PRKN: variants seen among roughly 807,000 people sequenced by gnomAD.
The protein encoded by PRKN is E3 ubiquitin-protein ligase parkin.
Under a neutral mutation model 59.5 loss-of-function variants are expected in PRKN, and 56 were observed. That is an observed-to-expected ratio of 0.94 (90% CI 0.76 to 1.18). PRKN has a LOEUF of 1.18. Ranked by LOEUF, PRKN falls within the 50% of genes most tolerant of loss-of-function variation. PRKN has a pLI of 0.00. For synonymous variants in PRKN, 250 were observed against 222.1 expected (o/e 1.13, Z -1.12); for missense variants, 657 against 596.4 (o/e 1.10, Z -1.06).
At chr6:161,929,248 A>G (rs1779079296) in intron 6 of PRKN, among the ~76,000 whole-genome samples, 1 of 152,242 alleles carries the variant, frequency 6.6e-6, no homozygotes, top group Admixed American at 6.5e-5. Flanking sequence ...GATTCCTTTT[A>G]TATGAAATGT....
At chr6:162,615,966 T>A (rs1198735961) in intron 1 of PRKN, among the ~76,000 whole-genome samples, 1 of 152,228 alleles carries the variant, frequency 6.6e-6, no homozygotes, top group Non-Finnish European at 1.5e-5. Flanking sequence ...ACCAAGAAGA[T>A]GCTCTCATAA....
chr6:161,400,228 G>A lies in PRKN; in HGVS notation c.1084-13351C>T, dbSNP rs900647504. ...AGTTAAGGGTCCACAGAACAAAAGCGACAGAACACCTCCAATATTTTAGAA... is the reference window on the plus strand; with the variant it reads ...AGTTAAGGGTCCACAGAACAAAAGCAACAGAACACCTCCAATATTTTAGAA... On this transcript the variant is annotated intron_variant, in intron 9 of 11. Coordinates refer to ENST00000366898, the MANE Select transcript of PRKN (RefSeq NM_004562.3). This position sits in a 1 kb window ranked among gnomAD's most constrained non-coding sequence, Gnocchi z 4.2. Among the ~76,000 whole-genome samples the A allele has an allele frequency of 3.3e-5, 5 of 152,238 alleles. No homozygotes were observed. Among genetic ancestry groups the A allele is most frequent in the South Asian group, 2.1e-4 (1 of 4,828 alleles).
intron 6 of PRKN, among the ~76,000 whole-genome samples, chr6:161,892,535 A>C (rs1223822131): frequency 6.6e-6 from 1 of 152,086 alleles, no homozygotes; most frequent in Non-Finnish European, 1.5e-5. Flanking sequence ...GTCCCTAAAC[A>C]TGAGGCTTTG....
rs1440843186 is a variant in PRKN at position 161,391,923 on chromosome 6, A to G, written c.1084-5046T>C. ...ACCGTGTAAGCCACTTCCTTCCAGT[A>G]AATCTCTCCATATATCTGTGTATAC... On this transcript the variant is annotated intron_variant, in intron 9 of 11. Transcript: ENST00000366898. This position sits in a 1 kb window ranked among gnomAD's most constrained non-coding sequence, Gnocchi z 4.9. 2.0e-5 allele frequency among the ~76,000 whole-genome samples: 3 copies of G among 151,964 alleles called. No homozygotes were observed. Among genetic ancestry groups the G allele is most frequent in the African/African-American group, 4.8e-5 (2 of 41,318 alleles).
intron 5 of PRKN, among the ~76,000 whole-genome samples, chr6:161,978,490 C>T (rs896062785): frequency 1.9e-4 from 29 of 152,242 alleles, no homozygotes; most frequent in Admixed American, 1.3e-3. Context: ...GAAAATTCCA[C>T]CTTGGGTGTC....
intron 1 of PRKN, among the ~76,000 whole-genome samples, chr6:162,641,898 G>A (rs1033152110): frequency 6.6e-6 from 1 of 152,084 alleles, no homozygotes; most frequent in Non-Finnish European, 1.5e-5. Flanking sequence ...TTTCTTTACA[G>A]ATTCAGATAT....
At chr6:162,289,507 G>C (rs1318944848) in intron 2 of PRKN, among the ~76,000 whole-genome samples, 1 of 151,700 alleles carries the variant, frequency 6.6e-6, no homozygotes, top group Non-Finnish European at 1.5e-5. Flanking sequence ...CGAGACCATG[G>C]CCAACATGAT....
chr6:162,150,278 T>C (rs1185359850), intron 4 of PRKN, among the ~76,000 whole-genome samples: 1 of 152,226 alleles, frequency 6.6e-6, no homozygotes, highest in African/African-American at 2.4e-5. Flanking sequence ...TGGACATATG[T>C]ATCCTAAGAA....
chr6:162,460,800 T>C (rs970636408), intron 1 of PRKN, among the ~76,000 whole-genome samples: 1 of 152,178 alleles, frequency 6.6e-6, no homozygotes, highest in Non-Finnish European at 1.5e-5. Flanking sequence ...TGTGACAAAG[T>C]TTTTCTGTTA....
chr6:162,208,665 T>G (rs567666708), intron 3 of PRKN, among the ~76,000 whole-genome samples: 1 of 152,324 alleles, frequency 6.6e-6, no homozygotes, highest in South Asian at 2.1e-4. Context: ...ATGTAGTTGC[T>G]TTTTCTTTCA....
intron 5 of PRKN, among the ~76,000 whole-genome samples, chr6:162,039,759 C>G (rs1361699784): frequency 6.6e-6 from 1 of 152,160 alleles, no homozygotes; most frequent in East Asian, 1.9e-4. Context: ...ATTTGAGCCC[C>G]CTTTCAATAA....
chr6:161,717,884 T>C (rs1393224191), intron 7 of PRKN, among the ~76,000 whole-genome samples: 2 of 152,066 alleles, frequency 1.3e-5, no homozygotes, highest in South Asian at 2.1e-4. Flanking sequence ...TCCCCTTCCA[T>C]GGTGAGTGGA....
chr6:162,219,004 T>C (rs1440127640), intron 3 of PRKN, among the ~76,000 whole-genome samples: 3 of 152,016 alleles, frequency 2.0e-5, no homozygotes, highest in Non-Finnish European at 4.4e-5. Context: ...AGAAACCCTG[T>C]CTCTACCTAC....
At chr6:161,387,636 G>A (rs4315992) in intron 9 of PRKN, among the ~76,000 whole-genome samples, 10,343 of 152,242 alleles carry the variant, frequency 0.068, 495 homozygotes, top group South Asian at 0.22. Context: ...TTCAATATTT[G>A]TTTGCATTCA....
chr6:161,913,019 A>G (rs1414386893), intron 6 of PRKN, among the ~76,000 whole-genome samples: 1 of 152,050 alleles, frequency 6.6e-6, no homozygotes, highest in Non-Finnish European at 1.5e-5. Flanking sequence ...TCTACTAAAA[A>G]TACAAAAAAT....
chr6:161,441,646 T>TAAAA (rs549048343), intron 9 of PRKN, among the ~76,000 whole-genome samples: 10 of 97,542 alleles, frequency 1.0e-4, no homozygotes, highest in East Asian at 8.8e-4. Flanking sequence ...CTCTGTCTCT[T>TAAAA]AAAAAAAAAA....
rs552647414 is a variant in PRKN at position 162,662,339 on chromosome 6, T to C, written c.7+65323A>G. 2.1e-3 allele frequency among the ~76,000 whole-genome samples: 315 copies of C among 152,088 alleles called. 1 individual carries two copies. Among genetic ancestry groups the C allele is most frequent in the Non-Finnish European group, 3.8e-3 (255 of 67,986 alleles). ...GGATATTAGCCCTTTGTTGGATGCA[T>C]AGCTTGCAAATTTTTTTTCCATTCT... On this transcript the variant is annotated intron_variant, in intron 1 of 11. Coordinates refer to ENST00000366898, the MANE Select transcript of PRKN (RefSeq NM_004562.3).
chr6:161,804,762 C>A (rs2128211622), intron 6 of PRKN, among the ~76,000 whole-genome samples: 1 of 152,332 alleles, frequency 6.6e-6, no homozygotes, highest in East Asian at 1.9e-4. Context: ...GAAAAAGTTT[C>A]AAACATCTTC....
intron 4 of PRKN, among the ~76,000 whole-genome samples, chr6:162,112,866 T>C (rs1780501545): frequency 6.6e-6 from 1 of 151,810 alleles, no homozygotes; most frequent in South Asian, 2.1e-4. Context: ...AAGGCGGCAG[T>C]GAGCCATGGT....
Sources: gnomAD v4.1 joint callset for allele counts (sites outside exome capture counted in the v4.1 genomes callset) on GRCh38, gnomAD v4.1.1 for gene constraint, Gnocchi (gnomAD v3.1) non-coding constraint, MANE v1.5 for transcripts, NCBI Gene and HGNC (gene_info 2026-07-23, HGNC 2026-07-21) for gene names.